DNAH14: variants seen among roughly 807,000 people sequenced by gnomAD.
The protein encoded by DNAH14 is dynein axonemal heavy chain 14, also known as axonemal beta dynein heavy chain 14.
A neutral mutation model predicts 520.9 loss-of-function variants in DNAH14; 478 were observed. The ratio of observed to expected loss-of-function variants is 0.92; its 90% confidence interval spans 0.85 to 0.99. The LOEUF (loss-of-function observed/expected upper bound fraction) is 0.99, where lower values mean the gene tolerates loss of function less well. Among genes scored for constraint, DNAH14 ranks in the 50% least tolerant of loss-of-function variants. The probability of loss-of-function intolerance (pLI) is 0.00; values close to 1 mark genes in which losing one functional copy is unlikely to be tolerated. For missense variants in DNAH14, 4,831 were observed against 5,234.5 expected (o/e 0.92, Z 2.38); for synonymous variants, 1,581 against 1,757.2 (o/e 0.90, Z 2.51).
intron 17 of DNAH14, 110 bp downstream of exon 17, chr1:225,051,905 A>AT: frequency 1.3e-6 from 1 of 771,086 alleles, no homozygotes; most frequent in East Asian, 3.0e-5. Context: ...GCAGAGTATG[A>AT]TAAAGGTGAA....
intron 10 of DNAH14, among the ~76,000 whole-genome samples, chr1:225,008,489 T>C (rs1258807960): frequency 1.3e-5 from 2 of 151,706 alleles, no homozygotes; most frequent in African/African-American, 2.4e-5. Flanking sequence ...AGATCCCTAC[T>C]ATCTTCCACA....
At chr1:225,124,524 C>T (rs1203518980) in intron 27 of DNAH14, among the ~76,000 whole-genome samples, 1 of 152,216 alleles carries the variant, frequency 6.6e-6, no homozygotes. Context: ...ACTTTCTTTG[C>T]TCATCCATAA....
intron 36 of DNAH14, among the ~76,000 whole-genome samples, chr1:225,171,768 T>C (rs2082699885): frequency 1.3e-5 from 2 of 152,346 alleles, no homozygotes; most frequent in South Asian, 4.1e-4. Flanking sequence ...TAACTCATTT[T>C]ATGAGGCCAG....
chr1:225,317,225 G>A (rs73135068), intron 60 of DNAH14, among the ~76,000 whole-genome samples: 7,960 of 152,066 alleles, frequency 0.052, 671 homozygotes, highest in African/African-American at 0.18. Flanking sequence ...CTTCCAATGT[G>A]ATCATATGAT....
chr1:224,984,825 C>T lies in DNAH14; in HGVS notation c.830+10672C>T, dbSNP rs550461545. Among the ~76,000 whole-genome samples the T allele has an allele frequency of 2.0e-5, 3 of 152,190 alleles. No homozygotes were observed. The South Asian group carries it at 6.2e-4, about 32-fold the overall frequency. On this transcript the variant is annotated intron_variant, in intron 8 of 85. Transcript: ENST00000682510. Reference sequence around the variant, plus strand: ...GGGCTAAGGACATAAATAGAAAATTCTCAAAATAAGATATACAAATGGCTA... The same window carrying T: ...GGGCTAAGGACATAAATAGAAAATTTTCAAAATAAGATATACAAATGGCTA...
chr1:225,175,218 A>C (rs1450437340), intron 36 of DNAH14, among the ~76,000 whole-genome samples: 1 of 152,164 alleles, frequency 6.6e-6, no homozygotes, highest in Non-Finnish European at 1.5e-5. Context: ...TTTCTTGAAG[A>C]ATCTGAGTAG....
intron 35 of DNAH14, among the ~76,000 whole-genome samples, chr1:225,166,409 G>A (rs765843294): frequency 1.1e-4 from 17 of 151,950 alleles, no homozygotes; most frequent in Non-Finnish European, 2.1e-4. Context: ...TTAATAAATT[G>A]TTACTCACCA....
intron 27 of DNAH14, among the ~76,000 whole-genome samples, chr1:225,131,845 TC>T (rs1395528427): frequency 6.6e-6 from 1 of 151,956 alleles, no homozygotes; most frequent in African/African-American, 2.4e-5. Flanking sequence ...TGATAAAATT[TC>T]CCCTAACAGC....
At chr1:225,049,773 C>CCTATGTAT (rs1553408760) in intron 15 of DNAH14, among the ~76,000 whole-genome samples, 16 of 143,020 alleles carry the variant, frequency 1.1e-4, no homozygotes, top group African/African-American at 3.8e-4. Context: ...TATCTATCTA[C>CCTATGTAT]CTATCTATCT....
At chr1:225,131,292 C>A (rs1369375786) in intron 27 of DNAH14, among the ~76,000 whole-genome samples, 1 of 152,098 alleles carries the variant, frequency 6.6e-6, no homozygotes, top group Admixed American at 6.6e-5. Flanking sequence ...AGAAGGCCAA[C>A]CCACAGGTCT....
chr1:225,000,483 G>A (rs1223011162), intron 8 of DNAH14, among the ~76,000 whole-genome samples: 1 of 148,354 alleles, frequency 6.7e-6, no homozygotes, highest in Non-Finnish European at 1.5e-5. Flanking sequence ...TTTTAGCCCT[G>A]TCTTCTTTAA....
chr1:225,071,998 C>T (rs965490497), intron 17 of DNAH14, among the ~76,000 whole-genome samples: 2 of 152,126 alleles, frequency 1.3e-5, no homozygotes, highest in Admixed American at 6.5e-5. Context: ...TCATTTTGAC[C>T]TTGAAGAATC....
chr1:225,274,207 T>C (rs1459764555), intron 52 of DNAH14, among the ~76,000 whole-genome samples: 1 of 120,092 alleles, frequency 8.3e-6, no homozygotes, highest in African/African-American at 4.1e-5. Context: ...ATTTTTTTTT[T>C]TTTTTTTTTT....
chr1:225,165,203 G>A (rs1351383231), intron 35 of DNAH14, among the ~76,000 whole-genome samples: 3 of 151,488 alleles, frequency 2.0e-5, no homozygotes, highest in Non-Finnish European at 4.4e-5. Context: ...GTTGCTCCAG[G>A]GTCACTCTGA....
chr1:225,299,187 C>G (rs778901391), intron 55 of DNAH14, among the ~76,000 whole-genome samples: 4 of 152,204 alleles, frequency 2.6e-5, no homozygotes, highest in Non-Finnish European at 4.4e-5. Flanking sequence ...TTGCTAATCA[C>G]TCACTTTTTT....
rs1553408761 is a variant in DNAH14 at position 225,049,773 on chromosome 1, C to CTAT, written c.1913-437_1913-436insTAT. 8.6e-3 allele frequency among the ~76,000 whole-genome samples: 1,237 copies of CTAT among 143,016 alleles called. 14 individuals are homozygous for CTAT. The highest frequency in any genetic ancestry group is 0.021 in the African/African-American group (825 of 39,726). 93.8% of individuals were successfully genotyped at this position (143,016 alleles called of 152,430 possible). A position where few individuals can be genotyped will look rare whatever the true frequency, so the allele number is the denominator to read the frequency against. ...GTTTATCTATCTGTCTATCTATCTACCTATCTATCTATCTATCTATCTATC... is the reference window on the plus strand; with the variant it reads ...GTTTATCTATCTGTCTATCTATCTACTATCTATCTATCTATCTATCTATCTATC... On this transcript the variant is annotated intron_variant, in intron 15 of 85. Transcript: ENST00000682510.
chr1:225,068,580 C>CAA (rs1270050520), intron 17 of DNAH14, among the ~76,000 whole-genome samples: 6 of 152,186 alleles, frequency 3.9e-5, no homozygotes, highest in African/African-American at 7.2e-5. Context: ...TATCCATGAG[C>CAA]ATGGAATGTT....
At chr1:225,213,494 G>A (rs1161551839) in intron 41 of DNAH14, among the ~76,000 whole-genome samples, 1 of 152,124 alleles carries the variant, frequency 6.6e-6, no homozygotes. Context: ...AAATTACCTT[G>A]GGCAGTATGG....
intron 43 of DNAH14, 42 bp downstream of exon 43, chr1:225,240,864 A>T: frequency 7.5e-7 from 1 of 1,328,462 alleles, no homozygotes; most frequent in Non-Finnish European, 1.0e-6. Context: ...TTATTTTAAA[A>T]TATTAATTTA....
Sources: gnomAD v4.1 joint callset for allele counts (sites outside exome capture counted in the v4.1 genomes callset) on GRCh38, gnomAD v4.1.1 for gene constraint, MANE v1.5 for transcripts, NCBI Gene and HGNC (gene_info 2026-07-23, HGNC 2026-07-21) for gene names.